The following PRDM16 variants were observed in gnomAD, a reference collection of about 807,000 sequenced individuals.
The protein encoded by PRDM16 is PR/SET domain 16.
A neutral mutation model predicts 110.6 loss-of-function variants in PRDM16; 23 were observed. The ratio of observed to expected loss-of-function variants is 0.21; its 90% CI spans 0.15 to 0.29. The LOEUF (loss-of-function observed/expected upper bound fraction) is 0.29, where lower values mean the gene tolerates loss of function less well. Among genes scored for constraint, PRDM16 ranks in the 10% least tolerant of loss-of-function variants. The pLI, the probability that PRDM16 is intolerant of heterozygous loss-of-function variation, is 1.00. For synonymous variants in PRDM16, 799 were observed against 781.8 expected, an observed-to-expected ratio of 1.02 and a Z score of -0.37; for missense variants, 1,615 against 1,794.3, an observed-to-expected ratio of 0.90 and a Z score of 1.81.
chr1:3,255,669 G>T lies in PRDM16; in HGVS notation c.438+11532G>T, dbSNP rs548205027. ...GCAGCAGGGCTTGGTCCACCCTGGC[G>T]GTTGGGCCCAGTTTGTCCTGACTGC... On this transcript the variant is annotated intron_variant, in intron 3 of 16. Coordinates refer to ENST00000270722, the MANE Select transcript of PRDM16 (RefSeq NM_022114.4). This position sits in a 1 kb window ranked among gnomAD's most constrained non-coding sequence, Gnocchi z 4.7. Among the ~76,000 whole-genome samples the T allele has an allele frequency of 6.6e-6, 1 of 152,314 alleles. No homozygotes were observed. Among genetic ancestry groups the T allele is most frequent in the East Asian group, 1.9e-4 (1 of 5,184 alleles).
At chr1:3,346,343 G>T (rs1642363008) in intron 3 of PRDM16, among the ~76,000 whole-genome samples, 1 of 152,140 alleles carries the variant, frequency 6.6e-6, no homozygotes, top group Non-Finnish European at 1.5e-5. Context: ...CAGTGGAGGA[G>T]CCTGATGGAG....
chr1:3,152,465 C>T (rs1483160895), intron 1 of PRDM16, among the ~76,000 whole-genome samples: 1 of 152,160 alleles, frequency 6.6e-6, no homozygotes, highest in Non-Finnish European at 1.5e-5. Context: ...CAAGCAGTGG[C>T]TACTCTCTGG....
At chr1:3,131,195 A>G (rs921922449) in intron 1 of PRDM16, among the ~76,000 whole-genome samples, 4 of 152,198 alleles carry the variant, frequency 2.6e-5, no homozygotes, top group African/African-American at 9.7e-5. Flanking sequence ...TTAAACTCAC[A>G]GAAAAGCAAG....
intron 3 of PRDM16, among the ~76,000 whole-genome samples, chr1:3,249,491 G>A (rs1007916598): frequency 2.0e-5 from 3 of 151,852 alleles, no homozygotes; most frequent in Non-Finnish European, 4.4e-5. Context: ...CACAGATCCC[G>A]CCGGAGTGCC....
At chr1:3,394,005 C>G (rs972186138) in intron 4 of PRDM16, among the ~76,000 whole-genome samples, 2 of 152,142 alleles carry the variant, frequency 1.3e-5, no homozygotes, top group South Asian at 2.1e-4. Flanking sequence ...CCTCCCGCGG[C>G]GGCGGCGGCT....
chr1:3,221,440 C>G (rs1482580582), intron 2 of PRDM16, among the ~76,000 whole-genome samples: 1 of 152,256 alleles, frequency 6.6e-6, no homozygotes, highest in Non-Finnish European at 1.5e-5. Flanking sequence ...GCACAAATGA[C>G]AGGCGCTTGC....
chr1:3,365,634 T>C (rs74050351), intron 3 of PRDM16, among the ~76,000 whole-genome samples: 4,710 of 152,318 alleles, frequency 0.031, 222 homozygotes, highest in African/African-American at 0.1. Flanking sequence ...CCAGCGGCCC[T>C]GAATGTTAGC....
intron 3 of PRDM16, among the ~76,000 whole-genome samples, chr1:3,384,335 C>T (rs561467122): frequency 6.6e-6 from 1 of 152,310 alleles, no homozygotes; most frequent in Non-Finnish European, 1.5e-5. Flanking sequence ...GGTTTGAATT[C>T]AGAACCCAGA....
chr1:3,084,919 T>G (rs1416519022), intron 1 of PRDM16, among the ~76,000 whole-genome samples: 1 of 152,170 alleles, frequency 6.6e-6, no homozygotes, highest in African/African-American at 2.4e-5. Context: ...CCAGGGTGGC[T>G]GCCAGGTGGA....
intron 3 of PRDM16, among the ~76,000 whole-genome samples, chr1:3,250,965 A>G (rs1214262034): frequency 1.3e-5 from 2 of 152,220 alleles, no homozygotes; most frequent in African/African-American, 4.8e-5. Context: ...CTGGCTCAGC[A>G]TGAGAACAGG....
chr1:3,077,982 G>A (rs541901809), intron 1 of PRDM16, among the ~76,000 whole-genome samples: 64 of 152,342 alleles, frequency 4.2e-4, no homozygotes, highest in Middle Eastern at 3.4e-3. Flanking sequence ...CCTGCCACAT[G>A]CAGTGGATGC....
intron 2 of PRDM16, 91 bp downstream of exon 2, chr1:3,186,565 G>A: frequency 1.2e-6 from 1 of 829,080 alleles, no homozygotes; most frequent in Non-Finnish European, 1.8e-6. Context: ...CACTGCCCGA[G>A]GCGGGAGGCG....
rs1569912109 is a variant in PRDM16 at position 3,243,544 on chromosome 1, C to T, written c.388-543C>T. On this transcript the variant is annotated intron_variant, in intron 2 of 16. Transcript: ENST00000270722. This position sits in a 1 kb window ranked among gnomAD's most constrained non-coding sequence, Gnocchi z 5.5. ...GAGTCCAGCTCCCCCCGACCTCTGC[C>T]TCCTGAGCTGGACTGTAAGCCCCCG... Among the ~76,000 whole-genome samples the T allele has an allele frequency of 2.6e-5, 4 of 152,238 alleles. No homozygotes were observed. Among genetic ancestry groups the T allele is most frequent in the Non-Finnish European group, 5.9e-5 (4 of 68,046 alleles).
chr1:3,411,374 G>T lies in PRDM16; in HGVS notation c.1187-10G>T. The T allele has an allele frequency of 1.3e-6, 2 of 1,593,448 alleles. No individual in the cohort carries two copies. The highest frequency in any genetic ancestry group is 1.7e-6 in the Non-Finnish European group (2 of 1,163,314). Reference sequence around the variant, plus strand: ...ATGCGGGTTTGTCTTGGCTTCTGCTGATGTTTTAGGTGAGGTCTGCCACAA... The same window carrying T: ...ATGCGGGTTTGTCTTGGCTTCTGCTTATGTTTTAGGTGAGGTCTGCCACAA... On this transcript the variant is annotated splice_polypyrimidine_tract_variant and intron_variant, in intron 8 of 16. Transcript: ENST00000270722.
chr1:3,275,603 C>T (rs1267275503), intron 3 of PRDM16, among the ~76,000 whole-genome samples: 1 of 152,166 alleles, frequency 6.6e-6, no homozygotes, highest in Non-Finnish European at 1.5e-5. Context: ...CAGTTTTGGG[C>T]ACAGTGCTCG....
At chr1:3,075,830 G>C (rs557592012) in intron 1 of PRDM16, among the ~76,000 whole-genome samples, 2 of 152,218 alleles carry the variant, frequency 1.3e-5, no homozygotes, top group Non-Finnish European at 2.9e-5. Flanking sequence ...AACCCCACTC[G>C]TCAGGCGGAG....
chr1:3,173,566 C>T (rs1388395267), intron 1 of PRDM16, among the ~76,000 whole-genome samples: 1 of 152,198 alleles, frequency 6.6e-6, no homozygotes, highest in African/African-American at 2.4e-5. Context: ...CTGGGAGGGG[C>T]GTTCGTGGGC....
intron 3 of PRDM16, among the ~76,000 whole-genome samples, chr1:3,374,990 A>T (rs889631596): frequency 1.3e-5 from 2 of 152,188 alleles, no homozygotes; most frequent in African/African-American, 4.8e-5. Flanking sequence ...CCTCCAGGAC[A>T]TCTTCAGCAG....
At chr1:3,381,186 G>T (rs577606663) in intron 3 of PRDM16, among the ~76,000 whole-genome samples, 57 of 152,164 alleles carry the variant, frequency 3.7e-4, no homozygotes, top group Middle Eastern at 3.4e-3. Context: ...ACATGCACAG[G>T]TGCACCCACA....
Sources: allele counts gnomAD v4.1 joint callset (sites outside exome capture counted in the v4.1 genomes callset), GRCh38; gene constraint gnomAD v4.1.1; non-coding constraint Gnocchi (gnomAD v3.1); transcripts MANE v1.5; gene names NCBI Gene and HGNC (gene_info 2026-07-23, HGNC 2026-07-21).